ATXN10: variants seen among roughly 807,000 people sequenced by gnomAD.
The protein encoded by ATXN10 is ataxin-10.
In ATXN10, 28 loss-of-function variants were observed where a neutral mutation model predicts 52.9. That is an observed-to-expected ratio of 0.53 (90% confidence interval 0.39 to 0.73). The LOEUF (loss-of-function observed/expected upper bound fraction) is 0.73. ATXN10 is among the 30% of genes least tolerant of loss of function. The pLI, the probability that ATXN10 is intolerant of heterozygous loss-of-function variation, is 0.00. For missense variants in ATXN10, 565 were observed against 577.0 expected (o/e 0.98, Z 0.21); for synonymous variants, 226 against 221.5 (o/e 1.02, Z -0.18).
intron 9 of ATXN10, among the ~76,000 whole-genome samples, chr22:45,788,612 T>G (rs1466160783): frequency 6.6e-6 from 1 of 151,986 alleles, no homozygotes; most frequent in African/African-American, 2.4e-5. Context: ...TTTCCAAGAC[T>G]TTATATTCCA....
intron 9 of ATXN10, among the ~76,000 whole-genome samples, chr22:45,742,998 G>C (rs1925595579): frequency 6.6e-6 from 1 of 152,174 alleles, no homozygotes; most frequent in Non-Finnish European, 1.5e-5. Context: ...GCCTCTTATA[G>C]GAACAAAATG....
At position 45,677,344 on chromosome 22, in the gene ATXN10, C is replaced by CT. The variant is rs762264908; in HGVS notation, c.116+5167dup. ...TGTGGAGTTGCTGCTATTTCTATAA[C>CT]TTATTACTCATTGCACTTGCTTGGT... On this transcript the variant is annotated intron_variant, in intron 1 of 11. Transcript: ENST00000252934. This position sits in a 1 kb window ranked among gnomAD's most constrained non-coding sequence, Gnocchi z 4.1. 1 of 152,052 alleles carries CT rather than the reference C, an allele frequency of 6.6e-6. No homozygotes were observed. Among genetic ancestry groups the CT allele is most frequent in the Non-Finnish European group, 1.5e-5 (1 of 68,022 alleles). 9.4% of individuals were successfully genotyped at this position (152,052 alleles called of 1,614,324 possible).
rs1471088143 is a variant in ATXN10, at chr22:45,672,058, G to C, written c.-6G>C. 2 of 1,536,018 alleles carry C rather than the reference G, an allele frequency of 1.3e-6. No homozygotes were observed. Among genetic ancestry groups the C allele is most frequent in the Non-Finnish European group, 1.7e-6 (2 of 1,144,862 alleles). ...CGTCAGGCTCGACCCAGCTGTGAGC[G>C]GCAAGATGGCGGCGCCCAGGCCGCC... On this transcript the variant is annotated 5_prime_UTR_variant, in exon 1 of 12. Transcript: ENST00000252934.
intron 9 of ATXN10, chr22:45,793,343 C>T (rs149830045): frequency 2.5e-5 from 5 of 198,052 alleles, no homozygotes; most frequent in African/African-American, 7.0e-5. Flanking sequence ...ATTGTCTTCA[C>T]GAAGCCTGGC....
chr22:45,782,978 T>C (rs1400716892), intron 9 of ATXN10, among the ~76,000 whole-genome samples: 1 of 151,736 alleles, frequency 6.6e-6, no homozygotes, highest in Non-Finnish European at 1.5e-5. Context: ...ACAACAACAA[T>C]AGATTGCTTA....
At chr22:45,761,145 G>A (rs568525566) in intron 9 of ATXN10, among the ~76,000 whole-genome samples, 7 of 151,828 alleles carry the variant, frequency 4.6e-5, no homozygotes, top group South Asian at 2.1e-4. Flanking sequence ...TTTTTGAGAC[G>A]GAGTCTTGCT....
At chr22:45,776,811 T>A (rs1393552080) in intron 9 of ATXN10, among the ~76,000 whole-genome samples, 1 of 152,246 alleles carries the variant, frequency 6.6e-6, no homozygotes, top group Non-Finnish European at 1.5e-5. Context: ...CCAGTTTTTT[T>A]AAGCATTGGT....
chr22:45,740,510 G>C lies in ATXN10; in HGVS notation c.1145G>C (p.Cys382Ser). 6.2e-7 allele frequency: 1 copy of C among 1,613,750 alleles called. No individual in the cohort carries two copies. The highest frequency in any genetic ancestry group is 1.1e-5 in the South Asian group (1 of 91,062). Reference protein sequence around the residue: ...SHLIRLIGNLCYKNKDNQDKV... With the variant: ...SHLIRLIGNLSYKNKDNQDKV... ...CTCATTCGTCTGATTGGAAATCTGTGTTACAAGAATAAAGATAACCAAGAC... is the reference window on the plus strand; with the variant it reads ...CTCATTCGTCTGATTGGAAATCTGTCTTACAAGAATAAAGATAACCAAGAC... Residue 382 changes from cysteine (C) to serine (S), a missense_variant, in exon 9 of 12, where the codon TGT becomes TCT. Cys to Ser is a moderately radical substitution (Grantham distance 112). Coordinates refer to ENST00000252934, the MANE Select transcript of ATXN10 (RefSeq NM_013236.4).
At chr22:45,782,796 T>A (rs1352942999) in intron 9 of ATXN10, among the ~76,000 whole-genome samples, 1 of 152,212 alleles carries the variant, frequency 6.6e-6, no homozygotes, top group African/African-American at 2.4e-5. Flanking sequence ...TCTCTTCTTA[T>A]CCATGGGGGA....
chr22:45,671,853 T>C lies in ATXN10; in HGVS notation c.-211T>C. The C allele has an allele frequency of 4.7e-6, 2 of 425,198 alleles. No individual in the cohort carries two copies. The highest frequency in any genetic ancestry group is 7.5e-5 in the South Asian group (2 of 26,758). 26.3% of individuals were successfully genotyped at this position (425,198 alleles called of 1,614,324 possible). A position where few individuals can be genotyped will look rare whatever the true frequency, so the allele number is the denominator to read the frequency against. On this transcript the variant is annotated 5_prime_UTR_variant, in exon 1 of 12. Coordinates refer to ENST00000252934, the MANE Select transcript of ATXN10 (RefSeq NM_013236.4). ...CGCGGCGCCGTCTCCTCCTCCCGCC[T>C]GAGGCGAGTCTGGGCTCAGCCTAGA...
chr22:45,758,306 A>C (rs1300290061), intron 9 of ATXN10, among the ~76,000 whole-genome samples: 2 of 152,216 alleles, frequency 1.3e-5, no homozygotes, highest in Non-Finnish European at 2.9e-5. Flanking sequence ...GCCTCCATGG[A>C]GCACCACCAT....
chr22:45,766,451 C>T lies in ATXN10; in HGVS notation c.1173+25913C>T, dbSNP rs1182462850. 1.4e-4 allele frequency among the ~76,000 whole-genome samples: 22 copies of T among 152,144 alleles called. No homozygotes were observed. The highest frequency in any genetic ancestry group is 1.4e-3 in the Admixed American group (22 of 15,280). ...TCCCCCGAGTCTGTGGAAAAATTGC[C>T]TTCCATGAAATCAGTCCCTGGTGCC... On this transcript the variant is annotated intron_variant, in intron 9 of 11. Coordinates refer to ENST00000252934, the MANE Select transcript of ATXN10 (RefSeq NM_013236.4). This position sits in a 1 kb window ranked among gnomAD's most constrained non-coding sequence, Gnocchi z 4.6.
chr22:45,701,758 T>C lies in ATXN10; in HGVS notation c.489-931T>C, dbSNP rs1923851791. On this transcript the variant is annotated intron_variant, in intron 4 of 11. Transcript: ENST00000252934. The surrounding 1 kb of genome is among the most constrained non-coding windows in gnomAD (Gnocchi z 4.2). The stretch of plus-strand genomic sequence containing the variant: ...TTGGGGAAGTAAAGGAACAGGCACA[T>C]AGGTTGTGATGTAAGAACTAAGGTA... Among the ~76,000 whole-genome samples the C allele has an allele frequency of 6.6e-6, 1 of 152,128 alleles. No homozygotes were observed. The highest frequency in any genetic ancestry group is 2.1e-4 in the South Asian group (1 of 4,830).
rs1347900947 is a variant in ATXN10 at position 45,738,624 on chromosome 22, A to G, written c.895-107A>G. 7.1e-6 allele frequency: 7 copies of G among 985,752 alleles called. No individual in the cohort carries two copies. In the East Asian group the frequency reaches 1.8e-4, roughly 26 times the overall value. 61.1% of individuals were successfully genotyped at this position (985,752 alleles called of 1,614,324 possible). A position where few individuals can be genotyped will look rare whatever the true frequency, so the allele number is the denominator to read the frequency against. ...TTTCTCTTTGACTTATTACAAGCAC[A>G]GACTCTTTAAATTTATTGAAATATT... On this transcript the variant is annotated intron_variant, in intron 7 of 11. Coordinates refer to ENST00000252934, the MANE Select transcript of ATXN10 (RefSeq NM_013236.4).
At chr22:45,815,708 G>A (rs779477419) in intron 10 of ATXN10, among the ~76,000 whole-genome samples, 20 of 151,960 alleles carry the variant, frequency 1.3e-4, no homozygotes, top group Non-Finnish European at 2.4e-4. Context: ...GAGAGTTAAA[G>A]TAGCTGGTCC....
At chr22:45,720,603 A>T (rs977538435) in intron 6 of ATXN10, among the ~76,000 whole-genome samples, 1 of 152,092 alleles carries the variant, frequency 6.6e-6, no homozygotes, top group Non-Finnish European at 1.5e-5. Flanking sequence ...TGTATCAGAA[A>T]CTCTGTACCC....
chr22:45,797,678 G>T (rs981738867), intron 9 of ATXN10, among the ~76,000 whole-genome samples: 3 of 152,076 alleles, frequency 2.0e-5, no homozygotes, highest in African/African-American at 7.2e-5. Context: ...TAGAAGAAAA[G>T]AATTAACAAA....
Position 45,672,005 on chromosome 22 carries a change from C to T in ATXN10, c.-59C>T, listed in dbSNP as rs543286658. On this transcript the variant is annotated 5_prime_UTR_variant, in exon 1 of 12. Coordinates refer to ENST00000252934, the MANE Select transcript of ATXN10 (RefSeq NM_013236.4). ...ACTCCTCCCTCCTCGTCATCCTCCCCCTTCGTCCTCCTCGCCTTCCTCCTC... is the reference window on the plus strand; with the variant it reads ...ACTCCTCCCTCCTCGTCATCCTCCCTCTTCGTCCTCCTCGCCTTCCTCCTC... 2.7e-4 allele frequency: 409 copies of T among 1,519,594 alleles called. 1 individual carries two copies. The African/African-American group carries it at 5.1e-3, about 19-fold the overall frequency. The allele number at this position is 1,519,594 out of a possible 1,614,324, so 94.1% of individuals were successfully genotyped here. A position where few individuals can be genotyped will look rare whatever the true frequency, so the allele number is the denominator to read the frequency against.
chr22:45,742,875 G>A (rs1019227157), intron 9 of ATXN10, among the ~76,000 whole-genome samples: 1 of 152,216 alleles, frequency 6.6e-6, no homozygotes, highest in African/African-American at 2.4e-5. Context: ...GCAAAAGAAA[G>A]TTGATAGCGA....
Sources: allele counts gnomAD v4.1 joint callset (sites outside exome capture counted in the v4.1 genomes callset), GRCh38; gene constraint gnomAD v4.1.1; non-coding constraint Gnocchi (gnomAD v3.1); transcripts MANE v1.5; gene names NCBI Gene and HGNC (gene_info 2026-07-23, HGNC 2026-07-21).